ATP7A: variants seen among roughly 807,000 people sequenced by gnomAD.
ATP7A encodes copper-transporting ATPase 1.
ATP7A carries 7 observed loss-of-function variants against 83.5 expected under a neutral mutation model. That is an observed-to-expected ratio of 0.08 (90% CI 0.05 to 0.16). The LOEUF (loss-of-function observed/expected upper bound fraction) is 0.16, where lower values mean the gene tolerates loss of function less well. Ranked by LOEUF, ATP7A falls within the 10% of genes least tolerant of loss-of-function variation. The pLI is 1.00. For synonymous variants in ATP7A, 354 were observed against 395.2 expected (o/e 0.90, Z 1.24); for missense variants, 940 against 1,120.8 (o/e 0.84, Z 2.30).
intron 2 of ATP7A, among the ~76,000 whole-genome samples, chrX:77,979,764 T>G (rs2077594935): frequency 8.9e-6 from 1 of 112,719 alleles, no homozygotes; most frequent in Non-Finnish European, 1.9e-5. Flanking sequence ...AAAGAGTGAA[T>G]AGTCAGGAAA....
intron 1 of ATP7A, among the ~76,000 whole-genome samples, chrX:77,931,973 C>T (rs1379089557): frequency 1.7e-4 from 17 of 102,216 alleles, no homozygotes; most frequent in Admixed American, 8.1e-4. Context: ...CCCTCCCGGA[C>T]GGGGCGGCTG....
chrX:78,019,202 A>G (rs2077888878), intron 12 of ATP7A, among the ~76,000 whole-genome samples: 1 of 112,045 alleles, frequency 8.9e-6, no homozygotes, highest in African/African-American at 3.2e-5. Context: ...TTCCTGGGCA[A>G]ATACCTATTC....
At chrX:77,925,341 C>CA (rs1466391754) in intron 1 of ATP7A, among the ~76,000 whole-genome samples, 23 of 111,602 alleles carry the variant, frequency 2.1e-4, no homozygotes, top group African/African-American at 6.2e-4. Flanking sequence ...GCATAATCAC[C>CA]AAGATGGTTT....
intron 14 of ATP7A, among the ~76,000 whole-genome samples, chrX:78,022,934 C>T (rs1434743512): frequency 2.7e-5 from 3 of 111,233 alleles, no homozygotes; most frequent in African/African-American, 9.8e-5. Flanking sequence ...TCATCCCTTG[C>T]CCCCCTCCCT....
chrX:77,942,277 T>G (rs1557225722), intron 1 of ATP7A, among the ~76,000 whole-genome samples: 2 of 112,334 alleles, frequency 1.8e-5, no homozygotes, highest in Non-Finnish European at 1.9e-5. Context: ...CATGGGGTTT[T>G]AATGTAACTT....
chrX:78,010,458 T>C (rs2077811595), intron 7 of ATP7A, among the ~76,000 whole-genome samples: 1 of 111,843 alleles, frequency 8.9e-6, no homozygotes, highest in Non-Finnish European at 1.9e-5. Context: ...GTTTCCTTTT[T>C]ATACTTTGTT....
chrX:78,025,115 T>A (rs1411063776), intron 14 of ATP7A, among the ~76,000 whole-genome samples: 4 of 111,370 alleles, frequency 3.6e-5, no homozygotes, highest in African/African-American at 1.3e-4. Context: ...AGCTATGGCA[T>A]AGAAGCTATC....
Position 78,005,972 on chromosome X carries a change from A to T in ATP7A, c.1707+2736A>T, listed in dbSNP as rs5912561. Among the ~76,000 whole-genome samples the T allele has an allele frequency of 2.5e-3, 282 of 111,874 alleles. 3 individuals carry two copies. The highest frequency in any genetic ancestry group is 4.2e-3 in the Non-Finnish European group (221 of 53,170). ...AGCACCCCAAAATTTCTTTTCTATG[A>T]TAAAGGATATGAACTGACAGTTCAC... On this transcript the variant is annotated intron_variant, in intron 6 of 22. Transcript: ENST00000341514.
rs1366245824 is a variant in ATP7A, at chrX:78,010,105, C to T, written c.1869+842C>T. Among the ~76,000 whole-genome samples, 19 of 112,503 alleles carry T rather than the reference C, an allele frequency of 1.7e-4. No individual in the cohort carries two copies. In the Admixed American group the frequency reaches 1.8e-3, roughly 11 times the overall value. ...GTTAAGATCCTATTTGTATAGATGA[C>T]ATTATCATTACCATTTTTGTGAAAC... On this transcript the variant is annotated intron_variant, in intron 7 of 22. Coordinates refer to ENST00000341514, the MANE Select transcript of ATP7A (RefSeq NM_000052.7).
At chrX:77,954,099 C>T (rs1168848675) in intron 1 of ATP7A, among the ~76,000 whole-genome samples, 2 of 111,510 alleles carry the variant, frequency 1.8e-5, no homozygotes, top group Non-Finnish European at 3.8e-5. Flanking sequence ...AGTATTACTA[C>T]CTAATCTTTT....
At position 78,031,410 on chromosome X, in the gene ATP7A, T is replaced by C; in HGVS notation, c.3122T>C (p.Val1041Ala). The C allele has an allele frequency of 8.3e-7, 1 of 1,209,940 alleles. No homozygotes were observed. Among genetic ancestry groups the C allele is most frequent in the Non-Finnish European group, 1.1e-6 (1 of 893,807 alleles). ...TTAATTTTTTTACAGGTAAAGGTAGTGGTATTTGATAAGACTGGAACCATT... is the reference window on the plus strand; with the variant it reads ...TTAATTTTTTTACAGGTAAAGGTAGCGGTATTTGATAAGACTGGAACCATT... ...PLEMAHKVKV[V>A]VFDKTGTITH... Residue 1041 changes from valine (V) to alanine (A), a missense_variant, in exon 16 of 23, where the codon GTG (valine) becomes GCG (alanine). By Grantham distance (64) the Val-to-Ala change is moderately conservative. Coordinates refer to ENST00000341514, the MANE Select transcript of ATP7A (RefSeq NM_000052.7).
chrX:77,931,601 C>T (rs1306209884), intron 1 of ATP7A, among the ~76,000 whole-genome samples: 3 of 107,947 alleles, frequency 2.8e-5, no homozygotes, highest in African/African-American at 3.4e-5. Flanking sequence ...CGGGCAGAGG[C>T]GCCCCTCACC....
rs782555092 is a variant in ATP7A at position 78,011,609 on chromosome X, C to T, written c.2107C>T (p.Arg703Cys). ...INLHSSMFLE[R>C]QILPGLSVMN... is the part of the protein sequence containing the mutation. ...CCTTCATTCTTCTATGTTCCTGGAG[C>T]GCCAGATTCTTCCAGGATTGTCTGT... Residue 703 changes from arginine to cysteine, a missense_variant, in exon 9 of 23, where the codon CGC becomes TGC. By Grantham distance (180) the Arg-to-Cys change is radical. Transcript: ENST00000341514. 6.6e-6 allele frequency: 8 copies of T among 1,208,925 alleles called. No individual in the cohort carries two copies. Among genetic ancestry groups the T allele is most frequent in the African/African-American group, 5.3e-5 (3 of 56,952 alleles).
At chrX:77,983,777 C>T (rs371884942) in intron 2 of ATP7A, among the ~76,000 whole-genome samples, 89 of 110,511 alleles carry the variant, frequency 8.1e-4, no homozygotes, top group African/African-American at 1.7e-3. Context: ...CTCCGCCTCC[C>T]GGGTTCAAGC....
At chrX:77,932,309 C>T (rs1237697975) in intron 1 of ATP7A, among the ~76,000 whole-genome samples, 3 of 107,801 alleles carry the variant, frequency 2.8e-5, no homozygotes, top group Admixed American at 9.7e-5. Flanking sequence ...AGACGATGGG[C>T]GGCCGGGCAG....
intron 1 of ATP7A, among the ~76,000 whole-genome samples, chrX:77,918,683 T>C (rs1408594999): frequency 1.8e-5 from 2 of 111,254 alleles, no homozygotes; most frequent in Non-Finnish European, 3.8e-5. Flanking sequence ...GATCTACCAG[T>C]AGATCCCGAT....
intron 4 of ATP7A, among the ~76,000 whole-genome samples, chrX:77,996,849 T>C (rs1380274973): frequency 1.8e-5 from 2 of 111,701 alleles, no homozygotes; most frequent in Non-Finnish European, 3.8e-5. Context: ...AGGAACCTTC[T>C]GGTTGGATTA....
rs1557227395 is a variant in ATP7A, at chrX:77,956,727, CT to C, written c.-21-14891del. ...TTTTCTTTATCAATTACCCAGTCTC[CT>C]TTCTTTCTTTCTTTCTTTCTTTCTT... On this transcript the variant is annotated intron_variant, in intron 1 of 22. Coordinates refer to ENST00000341514, the MANE Select transcript of ATP7A (RefSeq NM_000052.7). Among the ~76,000 whole-genome samples the C allele has an allele frequency of 5.5e-4, 7 of 12,655 alleles. No homozygotes were observed. The East Asian group carries it at 0.011, about 20-fold the overall frequency. The allele number at this position is 12,655 out of a possible 115,157, so 11.0% of individuals were successfully genotyped here. A position where few individuals can be genotyped will look rare whatever the true frequency, so the allele number is the denominator to read the frequency against.
At chrX:78,032,146 A>G (rs2077987249) in intron 16 of ATP7A, among the ~76,000 whole-genome samples, 1 of 112,356 alleles carries the variant, frequency 8.9e-6, no homozygotes, top group Non-Finnish European at 1.9e-5. Context: ...ACAATGATCA[A>G]TCTTTGTTAC....
Sources: gnomAD v4.1 joint callset for allele counts (sites outside exome capture counted in the v4.1 genomes callset) on GRCh38, gnomAD v4.1.1 for gene constraint, MANE v1.5 for transcripts, NCBI Gene and HGNC (gene_info 2026-07-23, HGNC 2026-07-21) for gene names.